The following DDX10 variants were observed in gnomAD, a reference collection of about 807,000 sequenced individuals.
DDX10 encodes the protein DEAD-box helicase 10.
In DDX10, 74 loss-of-function variants were observed where a neutral mutation model predicts 104.3. The observed-to-expected ratio is 0.71, with a 90% CI of 0.59 to 0.86. The LOEUF is 0.86. Ranked by LOEUF, DDX10 falls within the 40% of genes least tolerant of loss-of-function variation. The pLI is 0.00. For missense variants in DDX10, 952 were observed against 1,040.0 expected (o/e 0.92, Z 1.16); for synonymous variants, 351 against 353.4 (o/e 0.99, Z 0.08).
intron 7 of DDX10, chr11:108,690,427 T>G (rs1449998281): frequency 6.5e-6 from 1 of 152,854 alleles, no homozygotes; most frequent in Non-Finnish European, 1.5e-5. Context: ...CAGTGCCTCC[T>G]GAGGTGGGGA....
At chr11:108,826,290 G>C (rs1325745042) in intron 13 of DDX10, among the ~76,000 whole-genome samples, 2 of 151,980 alleles carry the variant, frequency 1.3e-5, no homozygotes, top group Non-Finnish European at 2.9e-5. Flanking sequence ...AATACACTCT[G>C]GATAGAAGTA....
At position 108,723,006 on chromosome 11, in the gene DDX10, T is replaced by C. The variant is rs1427785727; in HGVS notation, c.1509T>C (p.Gly503=). Residue 503 remains glycine (G), a synonymous_variant, in exon 13 of 18, where the codon GGT becomes GGC. Coordinates refer to ENST00000322536, the MANE Select transcript of DDX10 (RefSeq NM_004398.4). ...LPIPEYALSL[G]LAVAPRVRFL... is the part of the protein sequence containing the mutation. ...TTTTTCCATATTTAAGGTCTCTTGG[T>C]CTTGCTGTGGCACCACGCGTAAGAT... 11 of 1,605,346 alleles carry C rather than the reference T, an allele frequency of 6.9e-6. No homozygotes were observed. The highest frequency in any genetic ancestry group is 9.3e-6 in the Non-Finnish European group (11 of 1,177,112).
At chr11:108,911,774 C>T (rs1863683554) in intron 16 of DDX10, among the ~76,000 whole-genome samples, 1 of 151,912 alleles carries the variant, frequency 6.6e-6, no homozygotes, top group Non-Finnish European at 1.5e-5. Context: ...GTTGTGCAGA[C>T]TGATCTCGAA....
intron 16 of DDX10, among the ~76,000 whole-genome samples, chr11:108,898,660 G>GA (rs754676674): frequency 0.013 from 1,326 of 104,610 alleles, 4 homozygotes; most frequent in South Asian, 0.046. Flanking sequence ...AAATTTTGGA[G>GA]AAAAAAAAAA....
At chr11:108,696,409 T>C (rs1227884064) in intron 9 of DDX10, among the ~76,000 whole-genome samples, 1 of 152,112 alleles carries the variant, frequency 6.6e-6, no homozygotes, top group Non-Finnish European at 1.5e-5. Flanking sequence ...ACTCCTGACC[T>C]CAAGTGATCC....
intron 13 of DDX10, among the ~76,000 whole-genome samples, chr11:108,731,748 T>C (rs893027021): frequency 3.9e-5 from 6 of 152,208 alleles, no homozygotes; most frequent in South Asian, 2.1e-4. Context: ...ATTTTAGTGT[T>C]GTATGCATCC....
intron 16 of DDX10, among the ~76,000 whole-genome samples, chr11:108,917,067 T>C (rs1466627300): frequency 6.6e-6 from 1 of 151,728 alleles, no homozygotes; most frequent in East Asian, 1.9e-4. Context: ...TGATTATTGT[T>C]GTTGTTTCGT....
chr11:108,784,031 A>G (rs373218249), intron 13 of DDX10, among the ~76,000 whole-genome samples: 141 of 152,322 alleles, frequency 9.3e-4, no homozygotes, highest in Non-Finnish European at 1.5e-3. Context: ...TATGTTCCAC[A>G]TTTTATTTAT....
At chr11:108,821,818 T>A (rs565582148) in intron 13 of DDX10, among the ~76,000 whole-genome samples, 1 of 152,268 alleles carries the variant, frequency 6.6e-6, no homozygotes, top group Non-Finnish European at 1.5e-5. Context: ...GGAACCATTT[T>A]AGATAAAAGG....
intron 17 of DDX10, chr11:108,919,617 G>T (rs1255306398): frequency 1.3e-5 from 2 of 152,088 alleles, no homozygotes; most frequent in Non-Finnish European, 2.9e-5. Context: ...TGACTCCCTG[G>T]AAGCAACATT....
At chr11:108,940,216 A>G (rs1351491276) in intron 17 of DDX10, 30 bp from the exon 18 acceptor site, 6 of 1,608,508 alleles carry the variant, frequency 3.7e-6, no homozygotes, top group Non-Finnish European at 3.4e-6. Flanking sequence ...TACTGAGTCT[A>G]AAGTAAATCT....
chr11:108,842,757 A>C (rs1862658398), intron 15 of DDX10, among the ~76,000 whole-genome samples: 1 of 152,196 alleles, frequency 6.6e-6, no homozygotes, highest in Admixed American at 6.5e-5. Flanking sequence ...AATTTGTTAA[A>C]ATCTTTAATA....
chr11:108,841,615 T>C lies in DDX10; in HGVS notation c.2247+139T>C, dbSNP rs531941838. 376 of 833,648 alleles carry C rather than the reference T, an allele frequency of 4.5e-4. 1 individual carries two copies. The South Asian group carries it at 7.3e-3, about 16-fold the overall frequency. The allele number at this position is 833,648 out of a possible 1,614,324, so 51.6% of individuals were successfully genotyped here. A position where few individuals can be genotyped will look rare whatever the true frequency, so the allele number is the denominator to read the frequency against. ...ACACTTCTTTTTCTGTGGCTACTCT[T>C]TTTTCTGTTTATTTGTTCCTTTGCT... is the stretch of plus-strand genomic sequence containing the variant. On this transcript the variant is annotated intron_variant, in intron 15 of 17. Transcript: ENST00000322536.
intron 16 of DDX10, among the ~76,000 whole-genome samples, chr11:108,903,411 G>A (rs1333719586): frequency 6.6e-6 from 1 of 151,926 alleles, no homozygotes; most frequent in African/African-American, 2.4e-5. Context: ...TTCATTGATG[G>A]TACATTTGGC....
At chr11:108,930,652 G>A (rs1863964434) in intron 17 of DDX10, among the ~76,000 whole-genome samples, 1 of 152,168 alleles carries the variant, frequency 6.6e-6, no homozygotes, top group African/African-American at 2.4e-5. Flanking sequence ...AGCCCCACCA[G>A]CATCTTGTAT....
At chr11:108,807,698 G>T (rs536116121) in intron 13 of DDX10, among the ~76,000 whole-genome samples, 1 of 152,168 alleles carries the variant, frequency 6.6e-6, no homozygotes, top group Non-Finnish European at 1.5e-5. Context: ...GAAAATGCTT[G>T]GTAGGCACCT....
At chr11:108,719,104 G>GT (rs36015980) in intron 11 of DDX10, among the ~76,000 whole-genome samples, 74,350 of 129,448 alleles carry the variant, frequency 0.57, 24,336 homozygotes, top group South Asian at 0.71. Context: ...TATGAAGATA[G>GT]TTTTTTTTTT....
chr11:108,705,233 C>T (rs752385120), intron 9 of DDX10, among the ~76,000 whole-genome samples: 2 of 152,132 alleles, frequency 1.3e-5, no homozygotes, highest in Non-Finnish European at 2.9e-5. Flanking sequence ...GCTTCCACTC[C>T]CTTGTTCATG....
chr11:108,727,159 G>C (rs2094306327), intron 13 of DDX10, among the ~76,000 whole-genome samples: 1 of 151,938 alleles, frequency 6.6e-6, no homozygotes, highest in Non-Finnish European at 1.5e-5. Context: ...ACTTGACTGG[G>C]AATATGACAC....
Sources: gnomAD v4.1 joint callset for allele counts (sites outside exome capture counted in the v4.1 genomes callset) on GRCh38, gnomAD v4.1.1 for gene constraint, MANE v1.5 for transcripts, NCBI Gene and HGNC (gene_info 2026-07-23, HGNC 2026-07-21) for gene names.